Variants in TWIST2 observed in about 807,000 individuals in gnomAD.
TWIST2 encodes twist family bHLH transcription factor 2.
TWIST2 carries 1 observed loss-of-function variant against 11.6 expected under a neutral mutation model. The ratio of observed to expected loss-of-function variants is 0.09; its 90% confidence interval spans 0.03 to 0.41. TWIST2 has a LOEUF of 0.41. Ranked by LOEUF, TWIST2 falls within the 10% of genes least tolerant of loss-of-function variation. The pLI is 0.98. For missense variants in TWIST2, 168 were observed against 226.4 expected, an observed-to-expected ratio of 0.74 and a Z score of 1.66; for synonymous variants, 87 against 96.6, an observed-to-expected ratio of 0.90 and a Z score of 0.58.
chr2:238,881,568 T>C (rs1206612642), intron 1 of TWIST2, among the ~76,000 whole-genome samples: 1 of 152,070 alleles, frequency 6.6e-6, no homozygotes, highest in Non-Finnish European at 1.5e-5. Context: ...CGTTAGAATT[T>C]ATTAGTATTA....
chr2:238,891,263 C>T (rs934538106), intron 1 of TWIST2, among the ~76,000 whole-genome samples: 5 of 152,190 alleles, frequency 3.3e-5, no homozygotes, highest in Admixed American at 6.5e-5. Flanking sequence ...CGGGAGCATT[C>T]GGACTCCTGG....
intron 1 of TWIST2, among the ~76,000 whole-genome samples, chr2:238,907,982 C>A (rs1693384166): frequency 6.7e-6 from 1 of 149,236 alleles, no homozygotes; most frequent in African/African-American, 2.5e-5. Flanking sequence ...ACACACACAC[C>A]CCACATTGTA....
At chr2:238,905,006 AAAGG>A (rs1210484214) in intron 1 of TWIST2, among the ~76,000 whole-genome samples, 97 of 151,870 alleles carry the variant, frequency 6.4e-4, no homozygotes, top group Non-Finnish European at 1.0e-3. Flanking sequence ...GAAAGAAAAG[AAAGG>A]AAGGAAGGAA....
In TWIST2 at chr2:238,898,652, C is replaced by G. The variant is rs969407875; in HGVS notation, c.*36-11190C>G. 4.6e-5 allele frequency among the ~76,000 whole-genome samples: 7 copies of G among 152,238 alleles called. No individual in the cohort carries two copies. The East Asian group carries it at 1.3e-3, about 29-fold the overall frequency. ...TGGCTTTGCTTTCTCCTTCCTCTCCCCTGAGGTGGGGGTGAGTGCTCTGAC... is the reference window on the plus strand; with the variant it reads ...TGGCTTTGCTTTCTCCTTCCTCTCCGCTGAGGTGGGGGTGAGTGCTCTGAC... On this transcript the variant is annotated intron_variant, in intron 1 of 1. Transcript: ENST00000612363.
chr2:238,906,844 C>T (rs1574770111), intron 1 of TWIST2, among the ~76,000 whole-genome samples: 1 of 152,232 alleles, frequency 6.6e-6, no homozygotes, highest in East Asian at 1.9e-4. Flanking sequence ...CCTCCCACCA[C>T]GCTCAGCCGC....
chr2:238,856,540 T>C (rs1390842428), intron 1 of TWIST2, among the ~76,000 whole-genome samples: 1 of 152,222 alleles, frequency 6.6e-6, no homozygotes, highest in Non-Finnish European at 1.5e-5. Flanking sequence ...AAAGTTTTTT[T>C]TTTATGAAGG....
At chr2:238,907,833 T>C (rs2106376571) in intron 1 of TWIST2, among the ~76,000 whole-genome samples, 1 of 11,494 alleles carries the variant, frequency 8.7e-5, no homozygotes, top group Admixed American at 1.5e-3. Flanking sequence ...TACCACACAC[T>C]ACACACACAC....
chr2:238,898,717 A>T (rs1693235487), intron 1 of TWIST2, among the ~76,000 whole-genome samples: 4 of 152,184 alleles, frequency 2.6e-5, no homozygotes, highest in Non-Finnish European at 5.9e-5. Flanking sequence ...CCAGCCTTCC[A>T]GATAGTGCCC....
At chr2:238,857,356 A>C (rs1692350656) in intron 1 of TWIST2, among the ~76,000 whole-genome samples, 1 of 152,194 alleles carries the variant, frequency 6.6e-6, no homozygotes, top group African/African-American at 2.4e-5. Flanking sequence ...TGAGCCCAGC[A>C]CGGCTCAGCA....
chr2:238,886,534 C>T (rs766292341), intron 1 of TWIST2, among the ~76,000 whole-genome samples: 2 of 151,964 alleles, frequency 1.3e-5, no homozygotes, highest in African/African-American at 2.4e-5. Flanking sequence ...AACGCAAGCT[C>T]ACCTCACCCC....
Position 238,854,499 on chromosome 2 carries a change from C to T in TWIST2, c.*35+5766C>T, listed in dbSNP as rs374706224. Among the ~76,000 whole-genome samples, 16 of 152,298 alleles carry T rather than the reference C, an allele frequency of 1.1e-4. No homozygotes were observed. The East Asian group carries it at 2.1e-3, about 20-fold the overall frequency. On this transcript the variant is annotated intron_variant, in intron 1 of 1. Coordinates refer to ENST00000612363, the MANE Select transcript of TWIST2 (RefSeq NM_001271893.4). Reference sequence around the variant, plus strand: ...GGTGTGGTCACAGGCAGAGTCTTTCCGGAGCACCAGGCAGAGCAGCTCCCC... The same window carrying T: ...GGTGTGGTCACAGGCAGAGTCTTTCTGGAGCACCAGGCAGAGCAGCTCCCC...
At chr2:238,871,174 C>CAT (rs1559274802) in intron 1 of TWIST2, among the ~76,000 whole-genome samples, 1 of 5,224 alleles carries the variant, frequency 1.9e-4, no homozygotes, top group African/African-American at 8.1e-4. Flanking sequence ...CACACACACA[C>CAT]CACACACCCC....
In TWIST2 at chr2:238,864,183, G is replaced by A. The variant is rs1321987035; in HGVS notation, c.*35+15450G>A. Among the ~76,000 whole-genome samples, 2 of 152,100 alleles carry A rather than the reference G, an allele frequency of 1.3e-5. No individual in the cohort carries two copies. The highest frequency in any genetic ancestry group is 6.5e-5 in the Admixed American group (1 of 15,276). The stretch of plus-strand genomic sequence containing the variant: ...TTTGTAAGTTTCCATCAGCATGGGG[G>A]GAAGGGGCTGGAGGTGAGGGGGGAC... On this transcript the variant is annotated intron_variant, in intron 1 of 1. Transcript: ENST00000612363. This position sits in a 1 kb window ranked among gnomAD's most constrained non-coding sequence, Gnocchi z 4.7.
chr2:238,910,236 A>T lies in TWIST2; in HGVS notation c.*430A>T, dbSNP rs1693429706. 6.6e-6 allele frequency: 1 copy of T among 152,002 alleles called. No homozygotes were observed. The allele number at this position is 152,002 out of a possible 1,614,324, so 9.4% of individuals were successfully genotyped here. A position where few individuals can be genotyped will look rare whatever the true frequency, so the allele number is the denominator to read the frequency against. The stretch of plus-strand genomic sequence containing the variant: ...TATTTTTTTAATAAAACAGAAATGC[A>T]TTCTTGTACAATTCTGTTGAAACTG... On this transcript the variant is annotated 3_prime_UTR_variant, in exon 2 of 2. Coordinates refer to ENST00000612363, the MANE Select transcript of TWIST2 (RefSeq NM_001271893.4).
intron 1 of TWIST2, among the ~76,000 whole-genome samples, chr2:238,907,351 C>T (rs1693369252): frequency 6.6e-6 from 1 of 152,188 alleles, no homozygotes; most frequent in Admixed American, 6.5e-5. Context: ...TTGGCAGGCA[C>T]AGAGGGAGGC....
intron 1 of TWIST2, among the ~76,000 whole-genome samples, chr2:238,905,962 TGCGTGTGTGTGCGCGCGC>T (rs1693346381): frequency 9.4e-6 from 1 of 105,884 alleles, no homozygotes; most frequent in African/African-American, 4.0e-5. Flanking sequence ...TGTGTACGTG[TGCGTGTGTGTGCGCGCGC>T]GTGTACGTGC....
chr2:238,903,502 T>TGAG (rs1693305295), intron 1 of TWIST2, among the ~76,000 whole-genome samples: 1 of 132,300 alleles, frequency 7.6e-6, no homozygotes, highest in African/African-American at 2.9e-5. Flanking sequence ...GTGTGTGATG[T>TGAG]GTGTGTGTGA....
At chr2:238,868,356 C>T (rs1692582190) in intron 1 of TWIST2, among the ~76,000 whole-genome samples, 1 of 152,204 alleles carries the variant, frequency 6.6e-6, no homozygotes, top group Non-Finnish European at 1.5e-5. Flanking sequence ...AAGCGTCGGG[C>T]TTCTGTCCAG....
At chr2:238,892,364 C>A (rs766790783) in intron 1 of TWIST2, among the ~76,000 whole-genome samples, 1 of 152,256 alleles carries the variant, frequency 6.6e-6, no homozygotes, top group Non-Finnish European at 1.5e-5. Context: ...ACAGGTGCTC[C>A]GCCGATCACC....
Sources: gnomAD v4.1 joint callset for allele counts (sites outside exome capture counted in the v4.1 genomes callset) on GRCh38, gnomAD v4.1.1 for gene constraint, Gnocchi (gnomAD v3.1) non-coding constraint, MANE v1.5 for transcripts, NCBI Gene and HGNC (gene_info 2026-07-23, HGNC 2026-07-21) for gene names.